LRSAM1: variants seen among roughly 807,000 people sequenced by gnomAD.
LRSAM1 encodes the protein leucine rich repeat and sterile alpha motif containing 1.
LRSAM1 carries 96 observed loss-of-function variants against 118.1 expected under a neutral mutation model. That is an observed-to-expected ratio of 0.81 (90% confidence interval 0.69 to 0.96). The LOEUF (loss-of-function observed/expected upper bound fraction) is 0.96, where lower values mean the gene tolerates loss of function less well. Among genes scored for constraint, LRSAM1 ranks in the 40% least tolerant of loss-of-function variants. The pLI, the probability that LRSAM1 is intolerant of heterozygous loss-of-function variation, is 0.00. For missense variants in LRSAM1, 804 were observed against 915.5 expected (o/e 0.88, Z 1.57); for synonymous variants, 322 against 364.2 (o/e 0.88, Z 1.32).
intron 16 of LRSAM1, 99 bp from the exon 17 acceptor site, chr9:127,485,637 C>T: frequency 2.8e-6 from 3 of 1,073,562 alleles, no homozygotes; most frequent in South Asian, 2.5e-5. Context: ...GGCCTCAAGG[C>T]CTGTTCCTCA....
Position 127,479,447 on chromosome 9 carries a change from C to A in LRSAM1, c.845C>A (p.Thr282Asn). ...RRLELGQREH[T>N]QLLQQSSSQK... ...CTGGAACTGGGGCAGCGGGAGCACA[C>A]CCAGCTCCTTCAGCAGAGCAGCAGC... The change falls in exon 13 of 26, where the codon ACC becomes AAC. Residue 282 changes from threonine to asparagine, a missense_variant. Coordinates refer to ENST00000300417, the MANE Select transcript of LRSAM1 (RefSeq NM_001005373.4). The A allele has an allele frequency of 1.2e-6, 2 of 1,614,160 alleles. No individual in the cohort carries two copies. Among genetic ancestry groups the A allele is most frequent in the Non-Finnish European group, 1.7e-6 (2 of 1,180,014 alleles).
In LRSAM1 at chr9:127,491,246, T is replaced by C. The variant is rs369939320; in HGVS notation, c.1454T>C (p.Leu485Pro). The C allele has an allele frequency of 8.1e-6, 13 of 1,613,848 alleles. No individual in the cohort carries two copies. The highest frequency in any genetic ancestry group is 1.1e-5 in the Non-Finnish European group (13 of 1,180,030). ...IKLIETELLQLTQLELKRKSL... is the reference protein window; with the variant it reads ...IKLIETELLQPTQLELKRKSL... ...TTAATAGAAACTGAGTTATTGCAGC[T>C]GACACAGCTGGAGTTAAAGAGGAAG... Residue 485 changes from leucine to proline, a missense_variant, in exon 20 of 26, where the codon CTG becomes CCG. Leu to Pro is a moderately conservative substitution (Grantham distance 98). Coordinates refer to ENST00000300417, the MANE Select transcript of LRSAM1 (RefSeq NM_001005373.4).
chr9:127,452,401 C>A (rs1834356284), intron 2 of LRSAM1: 1 of 152,336 alleles, frequency 6.6e-6, no homozygotes, highest in Admixed American at 6.5e-5. Flanking sequence ...ACTGGCTCTG[C>A]AGGCCTGGCT....
intron 10 of LRSAM1, among the ~76,000 whole-genome samples, chr9:127,472,559 T>A (rs1310365056): frequency 6.6e-6 from 1 of 152,046 alleles, no homozygotes; most frequent in Non-Finnish European, 1.5e-5. Flanking sequence ...GAGAATGGCT[T>A]GAACCCAGGA....
rs1176611059 is a variant in LRSAM1 at position 127,454,489 on chromosome 9, G to GC, written c.-32-3dup. The GC allele has an allele frequency of 5.6e-6, 9 of 1,610,190 alleles. No homozygotes were observed. Among genetic ancestry groups the GC allele is most frequent in the Admixed American group, 1.7e-5 (1 of 59,874 alleles). On this transcript the variant is annotated splice_polypyrimidine_tract_variant and splice_region_variant and intron_variant, in intron 2 of 25. Coordinates refer to ENST00000300417, the MANE Select transcript of LRSAM1 (RefSeq NM_001005373.4). ...CCCCAGTCCCTAACTTCTCTCCTGT[G>GC]CCCCAGGGTCCTAAAGATCGCTCTG... is the stretch of plus-strand genomic sequence containing the variant.
intron 25 of LRSAM1, among the ~76,000 whole-genome samples, chr9:127,501,561 A>C (rs1364299228): frequency 6.6e-6 from 1 of 152,038 alleles, no homozygotes; most frequent in African/African-American, 2.4e-5. Context: ...GTAAAACTCC[A>C]TCTCTACTAA....
intron 19 of LRSAM1, among the ~76,000 whole-genome samples, chr9:127,490,510 A>G (rs1004931373): frequency 2.0e-5 from 3 of 152,064 alleles, no homozygotes; most frequent in African/African-American, 7.2e-5. Context: ...GGCCCCCCAC[A>G]TTCTCACTGC....
At chr9:127,468,831 A>AC (rs1835057381) in intron 10 of LRSAM1, among the ~76,000 whole-genome samples, 10 of 148,552 alleles carry the variant, frequency 6.7e-5, no homozygotes, top group Non-Finnish European at 1.0e-4. Flanking sequence ...AAAAAAAAAA[A>AC]AAAAAAAATC....
Position 127,451,591 on chromosome 9 carries a change from CGGGTAGT to C in LRSAM1, c.-266_-260del. ...AAGCTAGAGATTCCGAAAGGGGGTT[CGGGTAGT>C]TCGCTCCGGAGAAGTCTGAGAAGGG... is the stretch of plus-strand genomic sequence containing the variant. On this transcript the variant is annotated 5_prime_UTR_variant, in exon 1 of 26. Transcript: ENST00000300417. 1 of 540,880 alleles carries C rather than the reference CGGGTAGT, an allele frequency of 1.8e-6. No homozygotes were observed. Among genetic ancestry groups the C allele is most frequent in the East Asian group, 3.0e-5 (1 of 33,566 alleles). 33.5% of individuals were successfully genotyped at this position (540,880 alleles called of 1,614,324 possible).
chr9:127,478,835 G>A (rs1588119414), intron 11 of LRSAM1, 99 bp from the exon 12 acceptor site: 1 of 1,204,238 alleles, frequency 8.3e-7, no homozygotes, highest in South Asian at 1.2e-5. Context: ...GTGGGCCAGA[G>A]TTTGTATAAC....
chr9:127,478,074 G>GA (rs1486697866), intron 11 of LRSAM1, among the ~76,000 whole-genome samples: 2 of 146,208 alleles, frequency 1.4e-5, no homozygotes, highest in Admixed American at 6.8e-5. Flanking sequence ...AAAAAAAGAA[G>GA]AACCTAACTC....
chr9:127,472,022 C>T (rs1432170994), intron 10 of LRSAM1, among the ~76,000 whole-genome samples: 2 of 150,974 alleles, frequency 1.3e-5, no homozygotes, highest in East Asian at 4.1e-4. Context: ...AGTGCGGTGG[C>T]GCAATCTTGG....
rs567645529 is a variant in LRSAM1 at position 127,465,142 on chromosome 9, C to T, written c.529-2598C>T. Among the ~76,000 whole-genome samples the T allele has an allele frequency of 2.3e-4, 35 of 152,224 alleles. No individual in the cohort carries two copies. In the South Asian group the frequency reaches 6.8e-3, roughly 30 times the overall value. On this transcript the variant is annotated intron_variant, in intron 9 of 25. Transcript: ENST00000300417. This position sits in a 1 kb window ranked among gnomAD's most constrained non-coding sequence, Gnocchi z 4.1. ...ACTGCCTGTTTGGCTATGAGGAGAC[C>T]ACAGCCCCAGGACACTAAGGGGCCT... is the stretch of plus-strand genomic sequence containing the variant.
intron 7 of LRSAM1, among the ~76,000 whole-genome samples, chr9:127,459,852 C>G (rs1834668528): frequency 6.6e-6 from 1 of 152,224 alleles, no homozygotes; most frequent in Non-Finnish European, 1.5e-5. Flanking sequence ...AGCCACTGCA[C>G]CTGGCCAGTA....
intron 20 of LRSAM1, among the ~76,000 whole-genome samples, chr9:127,491,714 G>T (rs1295006498): frequency 6.6e-6 from 1 of 152,176 alleles, no homozygotes; most frequent in African/African-American, 2.4e-5. Context: ...GGGCCCAGCC[G>T]CATCTGTGTA....
intron 23 of LRSAM1, among the ~76,000 whole-genome samples, chr9:127,496,517 C>A (rs560787696): frequency 6.6e-6 from 1 of 152,364 alleles, no homozygotes; most frequent in East Asian, 1.9e-4. Context: ...ACAGAATACT[C>A]ATCGCTGTGC....
At position 127,455,574 on chromosome 9, in the gene LRSAM1, A is replaced by G. The variant is rs761535879; in HGVS notation, c.130-2A>G. On this transcript the variant is annotated splice_acceptor_variant, in intron 4 of 25. Transcript: ENST00000300417. LOFTEE classifies it high-confidence loss of function. ...CACTTACTCTTCTTTATCTTATCTT[A>G]GATTCCATTTGGAGCTTTTGCAACA... 2 of 1,614,186 alleles carry G rather than the reference A, an allele frequency of 1.2e-6. No homozygotes were observed. The highest frequency in any genetic ancestry group is 2.2e-5 in the South Asian group (2 of 91,084).
chr9:127,485,939 A>G lies in LRSAM1; in HGVS notation c.1259+104A>G, dbSNP rs1588127018. ...GGCACTAAACCTCCCGCCCTGGGCC[A>G]CCCCAGCCTCTGCTCTGCTGTTAGG... On this transcript the variant is annotated intron_variant, in intron 17 of 25. Transcript: ENST00000300417. 2.8e-6 allele frequency: 3 copies of G among 1,054,240 alleles called. No individual in the cohort carries two copies. The Admixed American group carries it at 5.9e-5, about 21-fold the overall frequency. 65.3% of individuals were successfully genotyped at this position (1,054,240 alleles called of 1,614,324 possible). A position where few individuals can be genotyped will look rare whatever the true frequency, so the allele number is the denominator to read the frequency against.
Position 127,485,720 on chromosome 9 carries a change from C to T in LRSAM1, c.1160-16C>T. On this transcript the variant is annotated splice_polypyrimidine_tract_variant and intron_variant, in intron 16 of 25. Transcript: ENST00000300417. ...CAGCCACTCCACTCAGCTGTCCCCA[C>T]CTCATGTTCCCACAGCCGCCATGCA... 1.9e-6 allele frequency: 3 copies of T among 1,613,854 alleles called. No homozygotes were observed. The highest frequency in any genetic ancestry group is 1.7e-6 in the Non-Finnish European group (2 of 1,179,854).
Sources: allele counts gnomAD v4.1 joint callset (sites outside exome capture counted in the v4.1 genomes callset), GRCh38; gene constraint gnomAD v4.1.1; non-coding constraint Gnocchi (gnomAD v3.1); transcripts MANE v1.5; gene names NCBI Gene and HGNC (gene_info 2026-07-23, HGNC 2026-07-21).